KATNAL1: variants seen among roughly 807,000 people sequenced by gnomAD.
The protein encoded by KATNAL1 is katanin p60 ATPase-containing subunit A-like 1.
A neutral mutation model predicts 55.2 loss-of-function variants in KATNAL1; 32 were observed. The observed-to-expected ratio is 0.58, with a 90% CI of 0.44 to 0.78. The LOEUF is 0.78. Among genes scored for constraint, KATNAL1 ranks in the 30% least tolerant of loss-of-function variants. KATNAL1 has a pLI of 0.00. For synonymous variants in KATNAL1, 193 were observed against 193.6 expected (o/e 1.00, Z 0.02); for missense variants, 466 against 600.9 (o/e 0.78, Z 2.35).
chr13:30,302,446 A>G (rs1882915254), intron 1 of KATNAL1, among the ~76,000 whole-genome samples: 1 of 152,166 alleles, frequency 6.6e-6, no homozygotes, highest in Non-Finnish European at 1.5e-5. Flanking sequence ...GGTCAGAAAA[A>G]AAAAACAGTC....
At position 30,208,466 on chromosome 13, in the gene KATNAL1, G is replaced by C; in HGVS notation, c.*74C>G. ...CTCCACTGAAAAAAATTCCAAACTT[G>C]TTTTTTAAAAATTGCAGGAATTTCT... is the stretch of plus-strand genomic sequence containing the variant. On this transcript the variant is annotated 3_prime_UTR_variant, in exon 11 of 11. Transcript: ENST00000380615. The C allele has an allele frequency of 2.2e-6, 3 of 1,337,454 alleles. No homozygotes were observed. In the South Asian group the frequency reaches 5.2e-5, roughly 23 times the overall value. The allele number at this position is 1,337,454 out of a possible 1,614,324, so 82.8% of individuals were successfully genotyped here.
intron 3 of KATNAL1, among the ~76,000 whole-genome samples, chr13:30,259,835 A>G (rs529437941): frequency 7.8e-4 from 119 of 152,312 alleles, no homozygotes; most frequent in African/African-American, 2.7e-3. Context: ...TAGGTAAACA[A>G]AGCAGCCGGG....
At chr13:30,307,245 G>C (rs1883242949) in intron 1 of KATNAL1, 86 bp downstream of exon 1, 1 of 152,262 alleles carries the variant, frequency 6.6e-6, no homozygotes, top group African/African-American at 2.4e-5. Context: ...TGGCGTCTCC[G>C]GCAGTGGGAG....
At chr13:30,261,497 G>A (rs965713515) in intron 3 of KATNAL1, among the ~76,000 whole-genome samples, 4 of 152,074 alleles carry the variant, frequency 2.6e-5, no homozygotes, top group East Asian at 1.9e-4. Context: ...ACACACATAG[G>A]CTCAAAATAA....
intron 4 of KATNAL1, among the ~76,000 whole-genome samples, chr13:30,253,246 A>G (rs1220716145): frequency 6.6e-6 from 1 of 152,204 alleles, no homozygotes; most frequent in Non-Finnish European, 1.5e-5. Context: ...TTTGTTTTGA[A>G]AAACTGTAGT....
intron 6 of KATNAL1, among the ~76,000 whole-genome samples, chr13:30,234,081 A>C (rs1356159270): frequency 6.6e-6 from 1 of 152,226 alleles, no homozygotes; most frequent in African/African-American, 2.4e-5. Flanking sequence ...TAGCATGAAG[A>C]CAAATGTTAA....
intron 9 of KATNAL1, 95 bp from the exon 10 acceptor site, chr13:30,210,537 C>A: frequency 2.8e-6 from 3 of 1,054,546 alleles, no homozygotes; most frequent in Non-Finnish European, 4.1e-6. Context: ...AAAATGAGGC[C>A]AATGCAAAGA....
intron 3 of KATNAL1, among the ~76,000 whole-genome samples, chr13:30,260,492 T>G (rs916483888): frequency 7.9e-5 from 12 of 151,982 alleles, no homozygotes; most frequent in Admixed American, 2.0e-4. Context: ...GAAGAATGTA[T>G]AACTAGAATA....
intron 9 of KATNAL1, among the ~76,000 whole-genome samples, chr13:30,225,647 TACACACAC>T (rs57630828): frequency 0.077 from 11,339 of 146,486 alleles, 758 homozygotes; most frequent in African/African-American, 0.18. Flanking sequence ...ATGACTCATC[TACACACAC>T]ACACACACAC....
chr13:30,250,018 C>T (rs1878153432), intron 4 of KATNAL1, among the ~76,000 whole-genome samples: 1 of 152,114 alleles, frequency 6.6e-6, no homozygotes, highest in South Asian at 2.1e-4. Flanking sequence ...TTTACTATTA[C>T]CTATTATCTT....
Position 30,272,100 on chromosome 13 carries a change from T to C in KATNAL1, c.323+7963A>G, listed in dbSNP as rs140939731. On this transcript the variant is annotated intron_variant, in intron 3 of 10. Coordinates refer to ENST00000380615, the MANE Select transcript of KATNAL1 (RefSeq NM_032116.5). Reference sequence around the variant, plus strand: ...ATGACTGAAGAGCAGCAGGATTTCTTGTAATTAAGAAAAAAGGGGCCGGGA... The same window carrying C: ...ATGACTGAAGAGCAGCAGGATTTCTCGTAATTAAGAAAAAAGGGGCCGGGA... Among the ~76,000 whole-genome samples, 19 of 152,270 alleles carry C rather than the reference T, an allele frequency of 1.2e-4. No individual in the cohort carries two copies. The East Asian group carries it at 2.3e-3, about 19-fold the overall frequency.
intron 3 of KATNAL1, among the ~76,000 whole-genome samples, chr13:30,264,068 G>A (rs1879537291): frequency 1.3e-5 from 2 of 149,796 alleles, no homozygotes; most frequent in Admixed American, 6.7e-5. Flanking sequence ...CAGAAATAAC[G>A]CCGCATATCT....
chr13:30,221,294 G>A (rs1037991251), intron 9 of KATNAL1, among the ~76,000 whole-genome samples: 1 of 152,182 alleles, frequency 6.6e-6, no homozygotes, highest in Admixed American at 6.5e-5. Flanking sequence ...AAATGAGACA[G>A]AATATAAAGA....
At chr13:30,302,513 A>C (rs1036136612) in intron 1 of KATNAL1, among the ~76,000 whole-genome samples, 12 of 152,238 alleles carry the variant, frequency 7.9e-5, no homozygotes, top group African/African-American at 2.9e-4. Flanking sequence ...GGAAAAATGG[A>C]AAGAGTAAAA....
At chr13:30,286,146 A>G (rs1008336259) in intron 1 of KATNAL1, among the ~76,000 whole-genome samples, 5 of 152,204 alleles carry the variant, frequency 3.3e-5, no homozygotes, top group Non-Finnish European at 7.4e-5. Flanking sequence ...AGAAAAACCC[A>G]TTTTCTGGGG....
intron 6 of KATNAL1, among the ~76,000 whole-genome samples, chr13:30,232,125 A>G (rs1876168998): frequency 6.6e-6 from 1 of 152,208 alleles, no homozygotes; most frequent in Non-Finnish European, 1.5e-5. Flanking sequence ...AACAAACATA[A>G]AAGTATTCTA....
At chr13:30,302,020 C>G (rs529449090) in intron 1 of KATNAL1, among the ~76,000 whole-genome samples, 1 of 152,234 alleles carries the variant, frequency 6.6e-6, no homozygotes, top group Admixed American at 6.5e-5. Flanking sequence ...CACGGGTGTG[C>G]GCAGCCACGC....
At chr13:30,283,844 CATTT>C (rs754464323) in intron 1 of KATNAL1, 53 bp from the exon 2 acceptor site, 74 of 1,074,150 alleles carry the variant, frequency 6.9e-5, no homozygotes, top group Non-Finnish European at 8.5e-5. Context: ...GACTTTAAAA[CATTT>C]ATTATTCTTT....
At chr13:30,226,286 G>T (rs1443101872) in intron 9 of KATNAL1, among the ~76,000 whole-genome samples, 2 of 152,018 alleles carry the variant, frequency 1.3e-5, no homozygotes, top group African/African-American at 4.8e-5. Flanking sequence ...TTATCCAAAA[G>T]AATTGAAAAC....
Sources: allele counts gnomAD v4.1 joint callset (sites outside exome capture counted in the v4.1 genomes callset), GRCh38; gene constraint gnomAD v4.1.1; transcripts MANE v1.5; gene names NCBI Gene and HGNC (gene_info 2026-07-23, HGNC 2026-07-21).